The following SLCO6A1 variants were observed in gnomAD, a reference collection of about 807,000 sequenced individuals.
The protein encoded by SLCO6A1 is cancer/testis antigen 48.
A neutral mutation model predicts 72.7 loss-of-function variants in SLCO6A1; 65 were observed. That is an observed-to-expected ratio of 0.89 (90% CI 0.73 to 1.10). The LOEUF (loss-of-function observed/expected upper bound fraction) is 1.10. Among genes scored for constraint, SLCO6A1 ranks in the 50% least tolerant of loss-of-function variants. The probability of loss-of-function intolerance (pLI) is 0.00; values close to 1 mark genes in which losing one functional copy is unlikely to be tolerated. For missense variants in SLCO6A1, 874 were observed against 872.6 expected (o/e 1.00, Z -0.02); for synonymous variants, 314 against 298.2 (o/e 1.05, Z -0.55).
At chr5:102,385,250 T>C (rs551049984) in intron 12 of SLCO6A1, among the ~76,000 whole-genome samples, 1 of 152,290 alleles carries the variant, frequency 6.6e-6, no homozygotes, top group East Asian at 1.9e-4. Flanking sequence ...CCTTTGACTT[T>C]TGTGAATTTG....
chr5:102,480,644 A>AT (rs149506004), intron 1 of SLCO6A1, among the ~76,000 whole-genome samples: 2,611 of 152,252 alleles, frequency 0.017, 35 homozygotes, highest in African/African-American at 0.033. Flanking sequence ...TTTTGAAGCT[A>AT]TTTTTAACTA....
chr5:102,450,476 C>G (rs1750354895), intron 6 of SLCO6A1, among the ~76,000 whole-genome samples: 1 of 152,200 alleles, frequency 6.6e-6, no homozygotes, highest in African/African-American at 2.4e-5. Context: ...TGGGCTCTTG[C>G]TCAGCCATGC....
At chr5:102,460,232 T>C (rs1750954962) in intron 4 of SLCO6A1, among the ~76,000 whole-genome samples, 1 of 152,144 alleles carries the variant, frequency 6.6e-6, no homozygotes, top group South Asian at 2.1e-4. Flanking sequence ...TCCTTTCAAT[T>C]ACAAATATTT....
At chr5:102,380,492 G>T (rs973179127) in intron 12 of SLCO6A1, among the ~76,000 whole-genome samples, 17 of 151,944 alleles carry the variant, frequency 1.1e-4, no homozygotes, top group Non-Finnish European at 2.2e-4. Flanking sequence ...TCCCCAGGAG[G>T]AAAAAATTGA....
At chr5:102,404,092 G>T (rs1747541915) in intron 9 of SLCO6A1, among the ~76,000 whole-genome samples, 1 of 152,066 alleles carries the variant, frequency 6.6e-6, no homozygotes, top group Non-Finnish European at 1.5e-5. Flanking sequence ...TTACTTAGAT[G>T]TACAATATCT....
intron 4 of SLCO6A1, among the ~76,000 whole-genome samples, chr5:102,464,015 T>C (rs1279212930): frequency 2.6e-5 from 4 of 151,194 alleles, no homozygotes; most frequent in Non-Finnish European, 1.5e-5. Context: ...TAAGAAGAAA[T>C]GTAATGGACT....
intron 4 of SLCO6A1, among the ~76,000 whole-genome samples, chr5:102,470,533 A>G (rs1751553539): frequency 6.6e-6 from 1 of 151,834 alleles, no homozygotes; most frequent in Non-Finnish European, 1.5e-5. Flanking sequence ...TATTGTGTCT[A>G]CTTGATTCTT....
chr5:102,452,357 T>C (rs578092121), intron 6 of SLCO6A1, among the ~76,000 whole-genome samples: 1 of 152,270 alleles, frequency 6.6e-6, no homozygotes, highest in Non-Finnish European at 1.5e-5. Flanking sequence ...CTCCAAACTT[T>C]ATGTTTTTAT....
chr5:102,471,297 C>G (rs1346759804), intron 4 of SLCO6A1, among the ~76,000 whole-genome samples: 1 of 152,028 alleles, frequency 6.6e-6, no homozygotes, highest in East Asian at 1.9e-4. Flanking sequence ...TCTCTAACTA[C>G]CCAAACAAGC....
At chr5:102,451,122 G>A (rs1416996277) in intron 6 of SLCO6A1, among the ~76,000 whole-genome samples, 2 of 152,180 alleles carry the variant, frequency 1.3e-5, no homozygotes, top group Non-Finnish European at 1.5e-5. Flanking sequence ...CAATCTGGTC[G>A]CTTTTGTATA....
At chr5:102,478,980 C>T (rs1438149604) in intron 2 of SLCO6A1, among the ~76,000 whole-genome samples, 1 of 152,110 alleles carries the variant, frequency 6.6e-6, no homozygotes, top group African/African-American at 2.4e-5. Flanking sequence ...ATTTCCAACA[C>T]CCTGACCTCT....
At chr5:102,421,437 G>A (rs1472835106) in intron 7 of SLCO6A1, among the ~76,000 whole-genome samples, 1 of 152,184 alleles carries the variant, frequency 6.6e-6, no homozygotes, top group Non-Finnish European at 1.5e-5. Flanking sequence ...TTGGTGGGGA[G>A]AGGGGCATCT....
chr5:102,402,385 A>G (rs1747447956), intron 9 of SLCO6A1, among the ~76,000 whole-genome samples: 1 of 152,208 alleles, frequency 6.6e-6, no homozygotes, highest in South Asian at 2.1e-4. Context: ...TGACTGTAAC[A>G]AAAAGGATAG....
chr5:102,476,952 G>A (rs950980630), intron 3 of SLCO6A1, among the ~76,000 whole-genome samples: 1 of 151,936 alleles, frequency 6.6e-6, no homozygotes, highest in Non-Finnish European at 1.5e-5. Flanking sequence ...AGACAGTACA[G>A]GTTATTCTGA....
Position 102,438,750 on chromosome 5 carries a change from C to T in SLCO6A1, c.1143G>A (p.Lys381=), listed in dbSNP as rs773784366. Residue 381 remains lysine (K), a synonymous_variant, in exon 7 of 14, where the codon AAG becomes AAA. Coordinates refer to ENST00000506729, the MANE Select transcript of SLCO6A1 (RefSeq NM_173488.5). The part of the protein sequence containing the change: ...DLCAALWILM[K]NPVLICLALS... ...GAGCTAGGCATATGAGCACTGGATT[C>T]TTCATCAGAATCTGAAATAAAAATA... 6.5e-7 allele frequency: 1 copy of T among 1,534,768 alleles called. No homozygotes were observed. Among genetic ancestry groups the T allele is most frequent in the South Asian group, 1.3e-5 (1 of 75,332 alleles).
At chr5:102,434,815 T>A (rs74318612) in intron 7 of SLCO6A1, among the ~76,000 whole-genome samples, 3 of 151,532 alleles carry the variant, frequency 2.0e-5, no homozygotes, top group Non-Finnish European at 4.4e-5. Flanking sequence ...ACTATTACTA[T>A]TTTTTTTTCT....
intron 8 of SLCO6A1, among the ~76,000 whole-genome samples, chr5:102,414,631 T>C (rs1275909703): frequency 6.6e-6 from 1 of 152,174 alleles, no homozygotes; most frequent in African/African-American, 2.4e-5. Context: ...CGATGGCTCA[T>C]GCCTATAATG....
intron 8 of SLCO6A1, among the ~76,000 whole-genome samples, chr5:102,413,943 T>C (rs1036583520): frequency 2.0e-5 from 3 of 152,288 alleles, no homozygotes; most frequent in Admixed American, 1.3e-4. Flanking sequence ...TTGCCTATTT[T>C]GTTGGATTGC....
At chr5:102,450,918 GATA>G (rs1304586838) in intron 6 of SLCO6A1, among the ~76,000 whole-genome samples, 1 of 152,190 alleles carries the variant, frequency 6.6e-6, no homozygotes, top group East Asian at 1.9e-4. Context: ...CCAGCCTAAG[GATA>G]GTAACCGTGG....
Sources: allele counts gnomAD v4.1 joint callset (sites outside exome capture counted in the v4.1 genomes callset), GRCh38; gene constraint gnomAD v4.1.1; transcripts MANE v1.5; gene names NCBI Gene and HGNC (gene_info 2026-07-23, HGNC 2026-07-21).